The following SLC35E4 variants were observed in gnomAD, a reference collection of about 807,000 sequenced individuals.
The protein encoded by SLC35E4 is solute carrier family 35 member E4.
Under a neutral mutation model 19.3 loss-of-function variants are expected in SLC35E4, and 15 were observed. That is an observed-to-expected ratio of 0.78 (90% CI 0.52 to 1.20). The LOEUF (loss-of-function observed/expected upper bound fraction) is 1.20. Ranked by LOEUF, SLC35E4 falls within the 50% of genes most tolerant of loss-of-function variation. The pLI is 0.00. For synonymous variants in SLC35E4, 219 were observed against 219.9 expected (o/e 1.00, Z 0.04); for missense variants, 406 against 472.3 (o/e 0.86, Z 1.30).
downstream of SLC35E4, chr22:30,664,035 G>A (rs775755708): frequency 2.0e-5 from 32 of 1,581,140 alleles, no homozygotes; most frequent in East Asian, 2.0e-4. Flanking sequence ...AGCAGTCAGC[G>A]AAGCACGAAG....
intron 2 of SLC35E4, among the ~76,000 whole-genome samples, chr22:30,655,294 G>GAA (rs35848603): frequency 1.5e-4 from 20 of 133,042 alleles, no homozygotes; most frequent in East Asian, 4.5e-4. Flanking sequence ...TGTCTCTACG[G>GAA]AAAAAAAAAA....
chr22:30,647,352 C>T lies in SLC35E4; in HGVS notation c.*321C>T, dbSNP rs777682631. 6.7e-6 allele frequency: 2 copies of T among 300,514 alleles called. No homozygotes were observed. The highest frequency in any genetic ancestry group is 2.2e-5 in the African/African-American group (1 of 46,162). 18.6% of individuals were successfully genotyped at this position (300,514 alleles called of 1,614,324 possible). A position where few individuals can be genotyped will look rare whatever the true frequency, so the allele number is the denominator to read the frequency against. On this transcript the variant is annotated 3_prime_UTR_variant, in exon 2 of 2. Transcript: ENST00000343605. ...GATCGAGGCTGCAGTAAGCCAAGAT[C>T]GCATGCTACTGCACTCCAGCCTGGG...
At chr22:30,651,858 T>C (rs759103703), downstream of SLC35E4, among the ~76,000 whole-genome samples, 1 of 152,048 alleles carries the variant, frequency 6.6e-6, no homozygotes, top group Non-Finnish European at 1.5e-5. Flanking sequence ...GCTTAGTGGG[T>C]TGGTTCTGGT....
chr22:30,662,527 A>T (rs2088508025), exon 3 of SLC35E4: 1 of 152,156 alleles, frequency 6.6e-6, no homozygotes, highest in Admixed American at 6.5e-5. Flanking sequence ...TAGCACTCAC[A>T]ATTTTTTTTA....
At chr22:30,667,998 A>G (rs2088745344), downstream of SLC35E4, 1 of 153,940 alleles carries the variant, frequency 6.5e-6, no homozygotes, top group Admixed American at 6.5e-5. Flanking sequence ...TCCAACGAGC[A>G]CGGCTCTCAA....
chr22:30,641,730 T>A (rs867046450), intron 1 of SLC35E4, among the ~76,000 whole-genome samples: 4,211 of 147,434 alleles, frequency 0.029, 110 homozygotes, highest in African/African-American at 0.054. Flanking sequence ...TTTTTTTTTT[T>A]TTTTTTTTTT....
At chr22:30,645,791 T>A (rs2088118642) in intron 1 of SLC35E4, among the ~76,000 whole-genome samples, 1 of 151,232 alleles carries the variant, frequency 6.6e-6, no homozygotes, top group Admixed American at 6.6e-5. Flanking sequence ...GTGCTGGGAT[T>A]ACAGGCATAA....
chr22:30,636,780 CCTA>C lies in SLC35E4; in HGVS notation c.333_335del (p.Leu113del), dbSNP rs1569055135. ...TGCCAGGCGGCACTCGCTGCCGAGT[CCTA>C]CTGCTCAGTCTCACCTTTGGCACGT... On this transcript the variant is annotated inframe_deletion, in exon 1 of 2. Coordinates refer to ENST00000343605, the MANE Select transcript of SLC35E4 (RefSeq NM_001001479.4). 17 of 1,612,396 alleles carry C rather than the reference CCTA, an allele frequency of 1.1e-5. No individual in the cohort carries two copies. The highest frequency in any genetic ancestry group is 2.7e-5 in the African/African-American group (2 of 74,922).
chr22:30,657,217 C>T (rs1031710969), intron 2 of SLC35E4, among the ~76,000 whole-genome samples: 3 of 149,622 alleles, frequency 2.0e-5, no homozygotes, highest in Non-Finnish European at 3.0e-5. Flanking sequence ...GGTGGATCAC[C>T]TGAGGTCAGG....
Position 30,636,817 on chromosome 22 carries a change from T to G in SLC35E4, c.367T>G (p.Cys123Gly). 6.2e-7 allele frequency: 1 copy of G among 1,612,798 alleles called. No homozygotes were observed. Among genetic ancestry groups the G allele is most frequent in the Non-Finnish European group, 8.5e-7 (1 of 1,179,610 alleles). ...TCTCACCTTTGGCACGTCCATGGCCTGCGGCAACGTGGGCCTAAGGGCTGT... is the reference window on the plus strand; with the variant it reads ...TCTCACCTTTGGCACGTCCATGGCCGGCGGCAACGTGGGCCTAAGGGCTGT... ...LSLTFGTSMA[C>G]GNVGLRAVPL... Residue 123 changes from cysteine (C) to glycine (G), a missense_variant, in exon 1 of 2, where the codon TGC becomes GGC. Transcript: ENST00000343605.
chr22:30,648,299 G>A (rs8138797), downstream of SLC35E4, among the ~76,000 whole-genome samples: 14,287 of 152,046 alleles, frequency 0.094, 1,713 homozygotes, highest in African/African-American at 0.28. Context: ...CAGCCTCACC[G>A]ACTTCTTTCA....
chr22:30,636,714 G>A lies in SLC35E4; in HGVS notation c.264G>A (p.Leu88=), dbSNP rs2087954842. The change falls in exon 1 of 2, where the codon CTG becomes CTA. Residue 88 remains leucine, a synonymous_variant. Coordinates refer to ENST00000343605, the MANE Select transcript of SLC35E4 (RefSeq NM_001001479.4). ...RPLLLSALHM[L]VAALACHRGA... is the part of the protein sequence containing the mutation. Reference sequence around the variant, plus strand: ...TGCTGCTGTCGGCCCTGCACATGCTGGTGGCAGCCCTGGCATGCCACCGGG... The same window carrying A: ...TGCTGCTGTCGGCCCTGCACATGCTAGTGGCAGCCCTGGCATGCCACCGGG... 4 of 1,611,760 alleles carry A rather than the reference G, an allele frequency of 2.5e-6. No individual in the cohort carries two copies. Among genetic ancestry groups the A allele is most frequent in the Non-Finnish European group, 2.5e-6 (3 of 1,179,002 alleles).
downstream of SLC35E4, among the ~76,000 whole-genome samples, chr22:30,650,332 CAA>C (rs557805647): frequency 2.2e-5 from 3 of 136,162 alleles, no homozygotes; most frequent in Non-Finnish European, 1.6e-5. Flanking sequence ...GACTTCGTCT[CAA>C]AAAAAAAAAA....
At chr22:30,648,585 CTA>C (rs2088168395), downstream of SLC35E4, among the ~76,000 whole-genome samples, 2 of 152,142 alleles carry the variant, frequency 1.3e-5, no homozygotes. Context: ...AACACCGTCT[CTA>C]TTAAAAATAC....
chr22:30,637,223 C>A (rs2087966929), intron 1 of SLC35E4, among the ~76,000 whole-genome samples, 154 bp downstream of exon 1: 2 of 152,166 alleles, frequency 1.3e-5, no homozygotes, highest in African/African-American at 4.8e-5. Flanking sequence ...TCAGAGAGGG[C>A]CAACAGTTCA....
chr22:30,637,147 G>A, intron 1 of SLC35E4, 78 bp downstream of exon 1: 1 of 1,495,424 alleles, frequency 6.7e-7, no homozygotes, highest in Non-Finnish European at 8.9e-7. Flanking sequence ...GAGGGGTATG[G>A]CTGTTGTCCC....
intron 2 of SLC35E4, among the ~76,000 whole-genome samples, chr22:30,655,935 CTTT>C (rs112567452): frequency 6.8e-6 from 1 of 147,400 alleles, no homozygotes; most frequent in Non-Finnish European, 1.5e-5. Context: ...ATTCTTAGGA[CTTT>C]TTTTTTTCTT....
intron 1 of SLC35E4, among the ~76,000 whole-genome samples, chr22:30,645,819 ATTT>A (rs1179064724): frequency 0.029 from 3,569 of 122,770 alleles, 148 homozygotes; most frequent in African/African-American, 0.1. Context: ...TACCTGACCG[ATTT>A]TTTTTTTTTT....
intron 1 of SLC35E4, among the ~76,000 whole-genome samples, chr22:30,639,683 C>G (rs541534320): frequency 6.6e-6 from 1 of 152,198 alleles, no homozygotes; most frequent in Non-Finnish European, 1.5e-5. Flanking sequence ...CTCCCATTTG[C>G]TTTTGAAAGA....
Sources: allele counts gnomAD v4.1 joint callset (sites outside exome capture counted in the v4.1 genomes callset), GRCh38; gene constraint gnomAD v4.1.1; transcripts MANE v1.5; gene names NCBI Gene and HGNC (gene_info 2026-07-23, HGNC 2026-07-21).